The following UNC45B variants were observed in gnomAD, a reference collection of about 807,000 sequenced individuals.
UNC45B encodes the protein protein unc-45 homolog B.
In UNC45B, 78 loss-of-function variants were observed where a neutral mutation model predicts 98.7. That is an observed-to-expected ratio of 0.79 (90% CI 0.66 to 0.95). The LOEUF is 0.95. UNC45B is among the 40% of genes least tolerant of loss of function. The pLI is 0.00. For missense variants in UNC45B, 1,225 were observed against 1,184.9 expected (o/e 1.03, Z -0.50); for synonymous variants, 462 against 480.4 (o/e 0.96, Z 0.50).
intron 8 of UNC45B, among the ~76,000 whole-genome samples, chr17:35,160,917 A>G (rs535851408): frequency 1.8e-4 from 28 of 152,328 alleles, no homozygotes; most frequent in African/African-American, 6.0e-4. Flanking sequence ...ACCTTGTTCT[A>G]AAAGATTCAG....
At chr17:35,173,537 T>A (rs765042377) in intron 13 of UNC45B, among the ~76,000 whole-genome samples, 1 of 152,074 alleles carries the variant, frequency 6.6e-6, no homozygotes, top group African/African-American at 2.4e-5. Context: ...TAAGGGAGAA[T>A]CATTTTGTTG....
At chr17:35,180,446 G>C in intron 17 of UNC45B, 113 bp from the exon 18 acceptor site, 1 of 773,832 alleles carries the variant, frequency 1.3e-6, no homozygotes, top group Non-Finnish European at 2.2e-6. Flanking sequence ...TGCTGGCTGA[G>C]GATGTGGGAA....
rs1356414743 is a variant in UNC45B, at chr17:35,188,566, T to G, written c.*2007T>G. On this transcript the variant is annotated 3_prime_UTR_variant, in exon 20 of 20. Coordinates refer to ENST00000394570, the MANE Select transcript of UNC45B (RefSeq NM_001267052.2). The stretch of plus-strand genomic sequence containing the variant: ...ATGGCTCACCGCAGCCTTGGTCTCC[T>G]GGGCTCAAGTGATCTTTCTACTTCA... The G allele has an allele frequency of 6.6e-6, 1 of 151,576 alleles. No individual in the cohort carries two copies. Among genetic ancestry groups the G allele is most frequent in the Non-Finnish European group, 1.5e-5 (1 of 67,970 alleles). The allele number at this position is 151,576 out of a possible 1,614,324, so 9.4% of individuals were successfully genotyped here.
chr17:35,180,946 TA>T (rs1281269001), intron 18 of UNC45B, among the ~76,000 whole-genome samples: 1 of 152,192 alleles, frequency 6.6e-6, no homozygotes, highest in Non-Finnish European at 1.5e-5. Context: ...ACCATTTCCC[TA>T]AGTTACTTAG....
At chr17:35,170,625 C>G (rs2092178517) in intron 12 of UNC45B, among the ~76,000 whole-genome samples, 1 of 150,596 alleles carries the variant, frequency 6.6e-6, no homozygotes, top group African/African-American at 2.4e-5. Flanking sequence ...GGCTTGAGCT[C>G]TGGGGTTCAG....
At chr17:35,162,678 C>T (rs531399528) in intron 8 of UNC45B, among the ~76,000 whole-genome samples, 62 of 152,238 alleles carry the variant, frequency 4.1e-4, no homozygotes, top group African/African-American at 1.4e-3. Flanking sequence ...AAACCTGTAC[C>T]TCCTGAGTTC....
chr17:35,186,298 G>A lies in UNC45B; in HGVS notation c.2530-1G>A. The A allele has an allele frequency of 6.2e-7, 1 of 1,613,628 alleles. No individual in the cohort carries two copies. The highest frequency in any genetic ancestry group is 1.3e-5 in the African/African-American group (1 of 75,024). On this transcript the variant is annotated splice_acceptor_variant, in intron 19 of 19. Transcript: ENST00000394570. LOFTEE classifies it high-confidence loss of function. ...TTCCTTACCTTTTTCCCTGCCTCCA[G>A]ACAACCCAGTGGTTGGAGATCCTCC...
intron 9 of UNC45B, among the ~76,000 whole-genome samples, chr17:35,166,086 T>TAAAAAAAAAAAAAAAAAAAAAAAAAAA (rs55844448): frequency 6.5e-4 from 38 of 58,108 alleles, no homozygotes; most frequent in South Asian, 2.9e-3. Context: ...CCCTCATCTC[T>TAAAAAAAAAAAAAAAAAAAAAAAAAAA]AAAAAAAAAA....
Position 35,154,691 on chromosome 17 carries a change from C to T in UNC45B, c.589C>T (p.Leu197=). The T allele has an allele frequency of 6.2e-7, 1 of 1,611,802 alleles. No homozygotes were observed. The highest frequency in any genetic ancestry group is 8.5e-7 in the Non-Finnish European group (1 of 1,179,536). Reference sequence around the variant, plus strand: ...GGACACTAAGAAGCCTGAGCTGGTGCTGGCTGCAGTGCGGACCCTGTCGGG... The same window carrying T: ...GGACACTAAGAAGCCTGAGCTGGTGTTGGCTGCAGTGCGGACCCTGTCGGG... The part of the protein sequence containing the change: ...LLDTKKPELV[L]AAVRTLSGMC... The change falls in exon 6 of 20, where the codon CTG becomes TTG. Residue 197 remains leucine (L), a synonymous_variant. Transcript: ENST00000394570.
In UNC45B at chr17:35,180,542, C is replaced by G; in HGVS notation, c.2256-17C>G. ...AGAAGACTCAAGGGTCTTTCTTCCTCCACCCTCCTACCCTAGGCAGAAGAT... is the reference window on the plus strand; with the variant it reads ...AGAAGACTCAAGGGTCTTTCTTCCTGCACCCTCCTACCCTAGGCAGAAGAT... On this transcript the variant is annotated splice_polypyrimidine_tract_variant and intron_variant, in intron 17 of 19. Transcript: ENST00000394570. 6.2e-7 allele frequency: 1 copy of G among 1,605,280 alleles called. No homozygotes were observed. The highest frequency in any genetic ancestry group is 8.5e-7 in the Non-Finnish European group (1 of 1,173,172).
In UNC45B at chr17:35,170,184, C is replaced by A; in HGVS notation, c.1618C>A (p.Leu540Met). 1 of 1,614,010 alleles carries A rather than the reference C, an allele frequency of 6.2e-7. No homozygotes were observed. ...AGTGGAGGGCCTGGCCTACCTCACG[C>A]TGGACGCTGATGTGAAGGACGACTT... ...WAVEGLAYLT[L>M]DADVKDDFVQ... Residue 540 changes from leucine (L) to methionine (M), a missense_variant, in exon 12 of 20, where the codon CTG becomes ATG. By Grantham distance (15) the Leu-to-Met change is conservative. Coordinates refer to ENST00000394570, the MANE Select transcript of UNC45B (RefSeq NM_001267052.2).
chr17:35,167,945 C>T (rs1268337449), intron 9 of UNC45B, 116 bp from the exon 10 acceptor site: 2 of 1,005,260 alleles, frequency 2.0e-6, no homozygotes, highest in African/African-American at 3.3e-5. Flanking sequence ...CCCAATATCA[C>T]ACAGCACATG....
intron 10 of UNC45B, among the ~76,000 whole-genome samples, chr17:35,169,568 A>G (rs2092167512): frequency 6.6e-6 from 1 of 152,194 alleles, no homozygotes; most frequent in Non-Finnish European, 1.5e-5. Context: ...TGGCAGGCAC[A>G]ATACATCTGT....
intron 5 of UNC45B, 128 bp from the exon 6 acceptor site, chr17:35,154,446 A>T: frequency 1.2e-6 from 1 of 852,810 alleles, no homozygotes; most frequent in Non-Finnish European, 1.7e-6. Context: ...GAGGATTACC[A>T]AGGTGAGATA....
intron 4 of UNC45B, 57 bp downstream of exon 4, chr17:35,150,280 G>A (rs2092008140): frequency 1.3e-6 from 2 of 1,546,706 alleles, no homozygotes; most frequent in African/African-American, 1.4e-5. Flanking sequence ...TTCATTCCTA[G>A]TAGGAATGGG....
At chr17:35,148,151 C>T in intron 1 of UNC45B, 113 bp from the exon 2 acceptor site, 1 of 1,231,234 alleles carries the variant, frequency 8.1e-7, no homozygotes. Context: ...GGCAGAATCC[C>T]CACCATCCTC....
chr17:35,160,001 A>G (rs2092091516), intron 8 of UNC45B, among the ~76,000 whole-genome samples: 1 of 152,234 alleles, frequency 6.6e-6, no homozygotes. Context: ...GATTACGGAC[A>G]TGCCCCGCAG....
chr17:35,177,867 T>C (rs1662345210), intron 17 of UNC45B, among the ~76,000 whole-genome samples: 1 of 151,896 alleles, frequency 6.6e-6, no homozygotes, highest in Non-Finnish European at 1.5e-5. Context: ...CTCTTCTCTT[T>C]TCTTTCTTTT....
rs2092239253 is a variant in UNC45B, at chr17:35,177,058, G to A, written c.2067G>A (p.Lys689=). 6.2e-7 allele frequency: 1 copy of A among 1,614,118 alleles called. No individual in the cohort carries two copies. The highest frequency in any genetic ancestry group is 1.7e-5 in the Admixed American group (1 of 60,012). ...PLALEGTDVG[K]VKAAHALAKI... ...CTTTGGAGGGCACAGATGTGGGCAA[G>A]GTGAAGGCAGCCCACGCTCTAGCAA... The change falls in exon 16 of 20, where the codon AAG becomes AAA. Residue 689 remains lysine, a synonymous_variant. Coordinates refer to ENST00000394570, the MANE Select transcript of UNC45B (RefSeq NM_001267052.2).
Sources: gnomAD v4.1 joint callset for allele counts (sites outside exome capture counted in the v4.1 genomes callset) on GRCh38, gnomAD v4.1.1 for gene constraint, MANE v1.5 for transcripts, NCBI Gene and HGNC (gene_info 2026-07-23, HGNC 2026-07-21) for gene names.